Variants in BANP observed in about 807,000 individuals in gnomAD.
The protein encoded by BANP is protein BANP.
BANP carries 11 observed loss-of-function variants against 68.1 expected under a neutral mutation model. The ratio of observed to expected loss-of-function variants is 0.16; its 90% CI spans 0.10 to 0.27. The LOEUF (loss-of-function observed/expected upper bound fraction) is 0.27. Among genes scored for constraint, BANP ranks in the 10% least tolerant of loss-of-function variants. BANP has a pLI of 1.00. For synonymous variants in BANP, 329 were observed against 303.2 expected (o/e 1.09, Z -0.88); for missense variants, 504 against 722.7 (o/e 0.70, Z 3.47).
At chr16:88,069,329 T>C (rs2089688175) in intron 12 of BANP, among the ~76,000 whole-genome samples, 3 of 152,192 alleles carry the variant, frequency 2.0e-5, no homozygotes, top group South Asian at 4.1e-4. Context: ...CACTGACAAA[T>C]TCATTGTTAA....
In BANP at chr16:87,961,413, C is replaced by CCG. The variant is rs573996601; in HGVS notation, c.-69+9899_-69+9900insGC. On this transcript the variant is annotated intron_variant, in intron 1 of 13. Coordinates refer to ENST00000682872, the MANE Select transcript of BANP (RefSeq NM_001386991.1). The stretch of plus-strand genomic sequence containing the variant: ...TCCTGGACTCACAGAATCTGCACCC[C>CCG]CCCGGGCCTCCCAAAGTGCTGGGAT... Among the ~76,000 whole-genome samples, 49 of 144,758 alleles carry CCG rather than the reference C, an allele frequency of 3.4e-4. 2 individuals carry two copies. Among genetic ancestry groups the CCG allele is most frequent in the African/African-American group, 1.1e-3 (46 of 40,618 alleles). The allele number at this position is 144,758 out of a possible 152,430, so 95.0% of individuals were successfully genotyped here.
At chr16:87,963,288 G>T (rs2059501140) in intron 1 of BANP, 1 of 152,256 alleles carries the variant, frequency 6.6e-6, no homozygotes, top group African/African-American at 2.4e-5. Flanking sequence ...ATTGTTCTGG[G>T]CGTTCCCCAC....
At chr16:88,025,293 A>G (rs2076771433) in intron 7 of BANP, among the ~76,000 whole-genome samples, 1 of 152,162 alleles carries the variant, frequency 6.6e-6, no homozygotes, top group Non-Finnish European at 1.5e-5. Context: ...AGGATTTCCT[A>G]GTGATTTTAA....
chr16:88,065,815 C>T (rs542587698), intron 12 of BANP, among the ~76,000 whole-genome samples: 22 of 152,104 alleles, frequency 1.4e-4, no homozygotes, highest in African/African-American at 2.9e-4. Context: ...ACAAGGAAAG[C>T]GAGTATGGAA....
chr16:87,979,837 C>G (rs1000934302), intron 2 of BANP, among the ~76,000 whole-genome samples: 1 of 152,086 alleles, frequency 6.6e-6, no homozygotes, highest in Non-Finnish European at 1.5e-5. Context: ...AACCTATTAA[C>G]CTGGATAGTC....
chr16:87,986,548 C>G (rs1181422793), intron 4 of BANP, among the ~76,000 whole-genome samples: 1 of 142,734 alleles, frequency 7.0e-6, no homozygotes, highest in Non-Finnish European at 1.6e-5. Flanking sequence ...CGCATTCATT[C>G]CCATCTGAGT....
intron 11 of BANP, among the ~76,000 whole-genome samples, chr16:88,052,910 T>C (rs1426866013): frequency 6.7e-6 from 1 of 149,902 alleles, no homozygotes; most frequent in Non-Finnish European, 1.5e-5. Flanking sequence ...TCCATCATCA[T>C]CACCAACACA....
chr16:88,068,289 T>C (rs529612851), intron 12 of BANP, among the ~76,000 whole-genome samples: 2 of 152,230 alleles, frequency 1.3e-5, no homozygotes, highest in African/African-American at 4.8e-5. Flanking sequence ...CTGGTTGGCG[T>C]GAACCTTGGG....
At position 88,072,049 on chromosome 16, in the gene BANP, C is replaced by T; in HGVS notation, c.1378-20C>T. On this transcript the variant is annotated intron_variant, in intron 12 of 13. Coordinates refer to ENST00000682872, the MANE Select transcript of BANP (RefSeq NM_001386991.1). ...GTTGTGGGCCACGCCGCTGACGGGC[C>T]CCCGTGTGTCTCCCTCCAGGTGCTG... 6.4e-7 allele frequency: 1 copy of T among 1,556,038 alleles called. No individual in the cohort carries two copies. Among genetic ancestry groups the T allele is most frequent in the Non-Finnish European group, 8.7e-7 (1 of 1,152,526 alleles).
chr16:88,007,511 C>T lies in BANP; in HGVS notation c.655+1246C>T, dbSNP rs143610826. Among the ~76,000 whole-genome samples, 28 of 152,368 alleles carry T rather than the reference C, an allele frequency of 1.8e-4. No individual in the cohort carries two copies. In the East Asian group the frequency reaches 5.4e-3, roughly 29 times the overall value. Reference sequence around the variant, plus strand: ...TGAGAGCCTCTGTGTGCCCTTCATCCTGTCACCGTAAGTGACCAGATGACT... The same window carrying T: ...TGAGAGCCTCTGTGTGCCCTTCATCTTGTCACCGTAAGTGACCAGATGACT... On this transcript the variant is annotated intron_variant, in intron 6 of 13. Coordinates refer to ENST00000682872, the MANE Select transcript of BANP (RefSeq NM_001386991.1).
chr16:88,071,159 G>T lies in BANP; in HGVS notation c.1378-910G>T, dbSNP rs1288433859. 2 of 294,848 alleles carry T rather than the reference G, an allele frequency of 6.8e-6. No homozygotes were observed. The highest frequency in any genetic ancestry group is 1.3e-5 in the Non-Finnish European group (2 of 150,670). The allele number at this position is 294,848 out of a possible 1,614,324, so 18.3% of individuals were successfully genotyped here. A position where few individuals can be genotyped will look rare whatever the true frequency, so the allele number is the denominator to read the frequency against. On this transcript the variant is annotated intron_variant, in intron 12 of 13. Transcript: ENST00000682872. The surrounding 1 kb of genome is among the most constrained non-coding windows in gnomAD (Gnocchi z 6.5). ...GGCTGCTCCTCTTCCCAGGGCCACC[G>T]GTGAGACTCTCAGTGCACAGAGTGC...
At chr16:87,956,702 C>G (rs965162189) in intron 1 of BANP, 2 of 152,026 alleles carry the variant, frequency 1.3e-5, no homozygotes, top group African/African-American at 4.8e-5. Context: ...TGGTTGTAGT[C>G]GTAGACAAGC....
intron 13 of BANP, 47 bp downstream of exon 13, chr16:88,072,259 G>A (rs534830814): frequency 2.8e-5 from 43 of 1,553,526 alleles, no homozygotes; most frequent in African/African-American, 4.1e-5. Context: ...TGGCATGGCC[G>A]CCTGCCGCTG....
rs533906615 is a variant in BANP at position 87,972,880 on chromosome 16, C to T, written c.-68-2168C>T. On this transcript the variant is annotated intron_variant, in intron 1 of 13. Transcript: ENST00000682872. ...TTTTGAGAGGGCTTGGGGTCCAGAA[C>T]ACTCTGGCCTCTGGGTCAGCCCTGC... Among the ~76,000 whole-genome samples the T allele has an allele frequency of 7.9e-4, 121 of 152,268 alleles. 3 individuals carry two copies. In the South Asian group the frequency reaches 0.024, roughly 30 times the overall value.
chr16:88,019,512 C>G (rs533356962), intron 7 of BANP, among the ~76,000 whole-genome samples: 1 of 144,016 alleles, frequency 6.9e-6, no homozygotes, highest in South Asian at 2.2e-4. Flanking sequence ...CGAGGCAGAG[C>G]ATTCAGCGTC....
rs1186855574 is a variant in BANP at position 87,984,093 on chromosome 16, T to C, written c.196T>C (p.Leu66=). 1.2e-6 allele frequency: 2 copies of C among 1,613,984 alleles called. No homozygotes were observed. Among genetic ancestry groups the C allele is most frequent in the African/African-American group, 2.7e-5 (2 of 74,900 alleles). Residue 66 remains leucine (L), a synonymous_variant, in exon 4 of 14, where the codon TTG becomes CTG. Coordinates refer to ENST00000682872, the MANE Select transcript of BANP (RefSeq NM_001386991.1). The part of the protein sequence containing the change: ...FLYSINQTIC[L]RLDSIEAKLQ... ...GTATTCCATCAACCAGACAATCTGCTTGCGGTTGGATAGCATTGAAGCCAA... is the reference window on the plus strand; with the variant it reads ...GTATTCCATCAACCAGACAATCTGCCTGCGGTTGGATAGCATTGAAGCCAA...
At chr16:87,952,262 A>G (rs1437084736) in intron 1 of BANP, 3 of 152,240 alleles carry the variant, frequency 2.0e-5, no homozygotes, top group Non-Finnish European at 4.4e-5. Context: ...GATGTTTTTC[A>G]CTGATGAGAT....
At chr16:87,998,793 T>C in intron 4 of BANP, among the ~76,000 whole-genome samples, 1 of 137,860 alleles carries the variant, frequency 7.3e-6, no homozygotes, top group African/African-American at 2.8e-5. Flanking sequence ...CGTGCGCGGC[T>C]GTACTTACCT....
chr16:87,999,203 TACCA>T (rs2068325928), intron 4 of BANP, among the ~76,000 whole-genome samples: 1 of 132,582 alleles, frequency 7.5e-6, no homozygotes, highest in African/African-American at 2.9e-5. Flanking sequence ...CGGCTGTACT[TACCA>T]GGCCTTCCAG....
Sources: allele counts gnomAD v4.1 joint callset (sites outside exome capture counted in the v4.1 genomes callset), GRCh38; gene constraint gnomAD v4.1.1; non-coding constraint Gnocchi (gnomAD v3.1); transcripts MANE v1.5; gene names NCBI Gene and HGNC (gene_info 2026-07-23, HGNC 2026-07-21).